The following SPTLC3 variants were observed in gnomAD, a reference collection of about 807,000 sequenced individuals.
The protein encoded by SPTLC3 is serine palmitoyltransferase 3.
Under a neutral mutation model 59.3 loss-of-function variants are expected in SPTLC3, and 36 were observed. The observed-to-expected ratio is 0.61, with a 90% CI of 0.47 to 0.80. SPTLC3 has a LOEUF of 0.80. SPTLC3 is among the 30% of genes least tolerant of loss of function. The pLI is 0.00. For synonymous variants in SPTLC3, 257 were observed against 240.8 expected, an observed-to-expected ratio of 1.07 and a Z score of -0.62; for missense variants, 625 against 685.1, an observed-to-expected ratio of 0.91 and a Z score of 0.98.
chr20:13,115,122 G>A (rs370859601), intron 7 of SPTLC3, among the ~76,000 whole-genome samples: 4 of 152,240 alleles, frequency 2.6e-5, no homozygotes, highest in East Asian at 3.9e-4. Flanking sequence ...CTTGTTTTCT[G>A]TATCATTTTT....
intron 8 of SPTLC3, among the ~76,000 whole-genome samples, chr20:13,123,644 T>A (rs2037919037): frequency 6.6e-6 from 1 of 152,194 alleles, no homozygotes; most frequent in Admixed American, 6.5e-5. Flanking sequence ...TCAGAAGCAC[T>A]GGCTTCTCCC....
rs2038973564 is a variant in SPTLC3, at chr20:13,165,569, T to G, written c.*702T>G. ...TTTGAGGTTTGGAAAATTCAAGATG[T>G]TTGTTTCATAAGAAAAGGGGCAGAA... On this transcript the variant is annotated 3_prime_UTR_variant, in exon 12 of 12. Transcript: ENST00000399002. 1.3e-5 allele frequency: 2 copies of G among 152,210 alleles called. No homozygotes were observed. The allele number at this position is 152,210 out of a possible 1,614,324, so 9.4% of individuals were successfully genotyped here.
At chr20:13,103,989 G>C (rs964681591) in intron 6 of SPTLC3, among the ~76,000 whole-genome samples, 3 of 152,150 alleles carry the variant, frequency 2.0e-5, no homozygotes, top group African/African-American at 7.2e-5. Context: ...CCAGATCCAG[G>C]AGGCTTGCTA....
chr20:13,088,111 C>T (rs2122615703), intron 4 of SPTLC3, among the ~76,000 whole-genome samples: 1 of 152,314 alleles, frequency 6.6e-6, no homozygotes, highest in South Asian at 2.1e-4. Flanking sequence ...GTTCTTGGAA[C>T]CATTCCCATT....
At chr20:13,074,240 C>G (rs879819038) in intron 3 of SPTLC3, 109 bp from the exon 4 acceptor site, 2 of 1,394,296 alleles carry the variant, frequency 1.4e-6, no homozygotes, top group African/African-American at 2.9e-5. Flanking sequence ...TCCTTGGTCA[C>G]CTCATCCTCT....
intron 6 of SPTLC3, among the ~76,000 whole-genome samples, chr20:13,103,390 C>G (rs1360398132): frequency 6.6e-6 from 1 of 152,142 alleles, no homozygotes; most frequent in East Asian, 1.9e-4. Flanking sequence ...AAGGATGAAA[C>G]TGCATGTCCA....
intron 10 of SPTLC3, among the ~76,000 whole-genome samples, chr20:13,159,659 C>T (rs1445326249): frequency 6.6e-6 from 1 of 152,156 alleles, no homozygotes; most frequent in Non-Finnish European, 1.5e-5. Flanking sequence ...AGGGACCCTG[C>T]AGATGGATTT....
intron 1 of SPTLC3, among the ~76,000 whole-genome samples, chr20:13,023,403 A>G (rs1985990816): frequency 6.6e-6 from 1 of 152,236 alleles, no homozygotes; most frequent in South Asian, 2.1e-4. Flanking sequence ...AGGAATTTCT[A>G]TCTTTTTCAC....
chr20:13,157,793 AT>A lies in SPTLC3; in HGVS notation c.1416-2207del, dbSNP rs1195238327. On this transcript the variant is annotated intron_variant, in intron 10 of 11. Transcript: ENST00000399002. Reference sequence around the variant, plus strand: ...GTCTGGCTGTGTTTCCTTCTGTGATATTTCTTTGTTGGAAGTTTATATGTAG... The same window carrying A: ...GTCTGGCTGTGTTTCCTTCTGTGATATTCTTTGTTGGAAGTTTATATGTAG... 1.2e-4 allele frequency among the ~76,000 whole-genome samples: 18 copies of A among 152,272 alleles called. No homozygotes were observed. In the East Asian group the frequency reaches 3.5e-3, roughly 29 times the overall value.
intron 11 of SPTLC3, among the ~76,000 whole-genome samples, chr20:13,160,769 G>A (rs2038880066): frequency 6.6e-6 from 1 of 152,184 alleles, no homozygotes; most frequent in African/African-American, 2.4e-5. Flanking sequence ...TCTAGGAGAA[G>A]ATGCTAATAA....
At chr20:13,130,863 T>C (rs1288636646) in intron 9 of SPTLC3, among the ~76,000 whole-genome samples, 2 of 152,322 alleles carry the variant, frequency 1.3e-5, no homozygotes, top group Non-Finnish European at 2.9e-5. Flanking sequence ...GTGCTCAGCT[T>C]AATAAATATG....
chr20:13,074,058 G>T, intron 3 of SPTLC3: 2 of 645,898 alleles, frequency 3.1e-6, no homozygotes, highest in South Asian at 2.8e-5. Flanking sequence ...CAAGTTGGAG[G>T]CCTGCTGTGG....
At chr20:13,011,417 C>T (rs1190793552) in intron 1 of SPTLC3, among the ~76,000 whole-genome samples, 1 of 152,200 alleles carries the variant, frequency 6.6e-6, no homozygotes, top group Admixed American at 6.5e-5. Flanking sequence ...CCAGCCCCTC[C>T]AATGATCCTC....
intron 10 of SPTLC3, among the ~76,000 whole-genome samples, chr20:13,158,716 C>T (rs959915024): frequency 6.6e-6 from 1 of 152,172 alleles, no homozygotes. Context: ...AATGTTGCCT[C>T]GCCCAAGCCA....
At chr20:13,103,071 A>G (rs1989670829) in intron 6 of SPTLC3, among the ~76,000 whole-genome samples, 1 of 152,160 alleles carries the variant, frequency 6.6e-6, no homozygotes, top group Non-Finnish European at 1.5e-5. Flanking sequence ...CCACATGTTT[A>G]AAGAGCCATC....
At chr20:13,100,034 C>T (rs1989550061) in intron 6 of SPTLC3, among the ~76,000 whole-genome samples, 1 of 152,194 alleles carries the variant, frequency 6.6e-6, no homozygotes, top group Admixed American at 6.5e-5. Flanking sequence ...TCTCCTTACA[C>T]CTTAACAATA....
intron 9 of SPTLC3, among the ~76,000 whole-genome samples, chr20:13,144,561 A>G (rs1237919401): frequency 6.6e-6 from 1 of 152,228 alleles, no homozygotes; most frequent in Non-Finnish European, 1.5e-5. Context: ...AAATTTCTTG[A>G]GGCTGAATTA....
intron 8 of SPTLC3, among the ~76,000 whole-genome samples, chr20:13,121,615 C>T (rs1471296750): frequency 3.3e-5 from 5 of 152,272 alleles, no homozygotes; most frequent in East Asian, 1.9e-4. Context: ...GACCCAGACT[C>T]GCCTTGCAAA....
At chr20:13,017,608 T>C (rs1015455545) in intron 1 of SPTLC3, among the ~76,000 whole-genome samples, 2 of 152,198 alleles carry the variant, frequency 1.3e-5, no homozygotes, top group African/African-American at 4.8e-5. Context: ...CTTAAAACAT[T>C]ATGAGATCTT....
Sources: allele counts gnomAD v4.1 joint callset (sites outside exome capture counted in the v4.1 genomes callset), GRCh38; gene constraint gnomAD v4.1.1; transcripts MANE v1.5; gene names NCBI Gene and HGNC (gene_info 2026-07-23, HGNC 2026-07-21).